Variants in ZNF541 observed in about 807,000 individuals in gnomAD.
ZNF541 encodes the protein zinc finger protein 541.
ZNF541 carries 23 observed loss-of-function variants against 123.5 expected under a neutral mutation model. The ratio of observed to expected loss-of-function variants is 0.19; its 90% CI spans 0.13 to 0.26. The LOEUF (loss-of-function observed/expected upper bound fraction) is 0.26, where lower values mean the gene tolerates loss of function less well. Among genes scored for constraint, ZNF541 ranks in the 10% least tolerant of loss-of-function variants. ZNF541 has a pLI of 1.00. For missense variants in ZNF541, 1,612 were observed against 1,789.9 expected (o/e 0.90, Z 1.79); for synonymous variants, 751 against 754.5 (o/e 1.00, Z 0.08).
At position 47,521,601 on chromosome 19, in the gene ZNF541, C is replaced by G; in HGVS notation, c.3765G>C (p.Lys1255Asn). Residue 1255 changes from lysine (K) to asparagine (N), a missense_variant, in exon 16 of 17, where the codon AAG becomes AAC. Around this residue, in one of 5 missense-constraint regions of ZNF541, gnomAD observed 285 missense variants for 407.3 expected, o/e 0.70. Coordinates refer to ENST00000391901, the MANE Select transcript of ZNF541 (RefSeq NM_001277075.3). This position sits in a 1 kb window ranked among gnomAD's most constrained non-coding sequence, Gnocchi z 4.2. ...RPSHHPTPKL[K>N]TKSYRRESIL... ...TGGACTCCCTCCTATAACTCTTGGT[C>G]TTTAACTTGGGAGTTGGATGGTGGC... 1.9e-6 allele frequency: 3 copies of G among 1,551,716 alleles called. No homozygotes were observed. The South Asian group carries it at 3.6e-5, about 18-fold the overall frequency.
intron 3 of ZNF541, among the ~76,000 whole-genome samples, chr19:47,554,834 C>A (rs1366830547): frequency 6.6e-6 from 1 of 152,200 alleles, no homozygotes; most frequent in African/African-American, 2.4e-5. Context: ...TGGCTCACGC[C>A]TGCAATCCCA....
chr19:47,523,984 G>C lies in ZNF541; in HGVS notation c.3571-1990C>G, dbSNP rs138166598. 2.0e-5 allele frequency among the ~76,000 whole-genome samples: 3 copies of C among 152,334 alleles called. 1 individual carries two copies. The highest frequency in any genetic ancestry group is 7.2e-5 in the African/African-American group (3 of 41,582). ...CCATCCAAAAGGATGAGAGGGGAAA[G>C]TGTGTGCTGCTCCTACAGGGCCAGG... On this transcript the variant is annotated intron_variant, in intron 14 of 16. Transcript: ENST00000391901.
intron 14 of ZNF541, among the ~76,000 whole-genome samples, chr19:47,523,576 C>A (rs1361819880): frequency 6.6e-6 from 1 of 152,064 alleles, no homozygotes; most frequent in Non-Finnish European, 1.5e-5. Context: ...AGCAACAGAA[C>A]CAGATTTACC....
At chr19:47,535,376 T>C (rs114410702) in intron 9 of ZNF541, among the ~76,000 whole-genome samples, 1 of 152,210 alleles carries the variant, frequency 6.6e-6, no homozygotes, top group Non-Finnish European at 1.5e-5. Flanking sequence ...TCATGAAAAT[T>C]AGAAATGTTT....
chr19:47,561,886 C>T (rs371680317), intron 2 of ZNF541, among the ~76,000 whole-genome samples: 1 of 152,160 alleles, frequency 6.6e-6, no homozygotes, highest in African/African-American at 2.4e-5. Flanking sequence ...GCAGAAACAA[C>T]CAAGCCTGAG....
At chr19:47,539,981 C>T in intron 7 of ZNF541, 103 bp from the exon 8 acceptor site, 1 of 1,482,234 alleles carries the variant, frequency 6.7e-7, no homozygotes, top group African/African-American at 1.4e-5. Flanking sequence ...AGCAGTGAGT[C>T]TGTGGCATGG....
intron 2 of ZNF541, among the ~76,000 whole-genome samples, chr19:47,556,827 G>A (rs553415752): frequency 2.0e-5 from 3 of 148,378 alleles, no homozygotes; most frequent in South Asian, 2.1e-4. Context: ...GCGGGATCTC[G>A]GCTCACTGCA....
In ZNF541 at chr19:47,540,283, C is replaced by A. The variant is rs901218875; in HGVS notation, c.2515G>T (p.Val839Phe). ...AACATCTGGCTGCAGTTCTTGCAGA[C>A]AAAAGTGCTCCTGGGCTTCGTCCAG... ...TDWTKPRSTF[V>F]CKNCSQMFYT... The change falls in exon 7 of 17, where the codon GTC becomes TTC. Residue 839 changes from valine to phenylalanine, a missense_variant. Val to Phe is a conservative substitution (Grantham distance 50, BLOSUM62 -1). Around this residue, in one of 5 missense-constraint regions of ZNF541, gnomAD observed 1,080 missense variants for 1,013.8 expected, o/e 1.07. Coordinates refer to ENST00000391901, the MANE Select transcript of ZNF541 (RefSeq NM_001277075.3). 4 of 1,551,886 alleles carry A rather than the reference C, an allele frequency of 2.6e-6. No homozygotes were observed. Among genetic ancestry groups the A allele is most frequent in the Admixed American group, 3.9e-5 (2 of 50,962 alleles).
rs2123154724 is a variant in ZNF541, at chr19:47,545,554, C to T, written c.975G>A (p.Ala325=). Residue 325 remains alanine, a synonymous_variant, in exon 5 of 17, where the codon GCG becomes GCA. Coordinates refer to ENST00000391901, the MANE Select transcript of ZNF541 (RefSeq NM_001277075.3). This position sits in a 1 kb window ranked among gnomAD's most constrained non-coding sequence, Gnocchi z 7.5. ...SSSCTPAGPH[A]APAALDTELP... is the part of the protein sequence containing the mutation. ...GCTCGGTGTCCAGCGCTGCTGGGGCCGCGTGGGGGCCGGCTGGGGTGCAGG... is the reference window on the plus strand; with the variant it reads ...GCTCGGTGTCCAGCGCTGCTGGGGCTGCGTGGGGGCCGGCTGGGGTGCAGG... 1 of 1,536,788 alleles carries T rather than the reference C, an allele frequency of 6.5e-7. No individual in the cohort carries two copies. The highest frequency in any genetic ancestry group is 8.8e-7 in the Non-Finnish European group (1 of 1,138,428).
intron 3 of ZNF541, 52 bp downstream of exon 3, chr19:47,555,498 C>G: frequency 6.8e-7 from 1 of 1,470,564 alleles, no homozygotes; most frequent in Non-Finnish European, 9.0e-7. Context: ...TAGCTGGCCA[C>G]AGAAACTGTC....
intron 3 of ZNF541, 88 bp from the exon 4 acceptor site, chr19:47,549,573 A>G: frequency 6.6e-7 from 1 of 1,510,814 alleles, no homozygotes; most frequent in Non-Finnish European, 8.9e-7. Context: ...TCTTAGAACC[A>G]TGGTGGCCTT....
At chr19:47,558,814 C>G (rs1046101445) in intron 2 of ZNF541, among the ~76,000 whole-genome samples, 6 of 151,154 alleles carry the variant, frequency 4.0e-5, no homozygotes, top group African/African-American at 1.5e-4. Context: ...GCGCCATCTC[C>G]GCTCACTGCA....
Position 47,521,152 on chromosome 19 carries a change from C to A in ZNF541, c.*72G>T. 1 of 1,499,958 alleles carries A rather than the reference C, an allele frequency of 6.7e-7. No homozygotes were observed. Among genetic ancestry groups the A allele is most frequent in the South Asian group, 1.3e-5 (1 of 78,002 alleles). 92.9% of individuals were successfully genotyped at this position (1,499,958 alleles called of 1,614,324 possible). ...GGTGGGGGGAGGCAGAGGGGTGCCC[C>A]AAACGCCCTGGAGAGGCCGAAGGGA... On this transcript the variant is annotated 3_prime_UTR_variant, in exon 17 of 17. Coordinates refer to ENST00000391901, the MANE Select transcript of ZNF541 (RefSeq NM_001277075.3). The surrounding 1 kb of genome is among the most constrained non-coding windows in gnomAD (Gnocchi z 4.2).
chr19:47,537,473 A>T (rs1355703224), intron 9 of ZNF541, among the ~76,000 whole-genome samples: 1 of 150,576 alleles, frequency 6.6e-6, no homozygotes, highest in Admixed American at 6.6e-5. Flanking sequence ...CTGAGGCAGG[A>T]GAACTGCTTG....
chr19:47,531,968 C>G (rs1197742700), intron 11 of ZNF541, among the ~76,000 whole-genome samples, 160 bp downstream of exon 11: 2 of 152,162 alleles, frequency 1.3e-5, no homozygotes, highest in Admixed American at 1.3e-4. Context: ...GAGAGTGCAG[C>G]AGGGAAGAAG....
chr19:47,568,264 A>C (rs1045578482), intron 2 of ZNF541, among the ~76,000 whole-genome samples: 4 of 152,092 alleles, frequency 2.6e-5, no homozygotes, highest in African/African-American at 9.7e-5. Context: ...AAGGGTCATC[A>C]AGTCTGAGTA....
chr19:47,553,408 C>CTTT (rs1291200798), intron 3 of ZNF541, among the ~76,000 whole-genome samples: 4 of 116,892 alleles, frequency 3.4e-5, no homozygotes, highest in Non-Finnish European at 3.6e-5. Context: ...CAGGCTAATT[C>CTTT]TTTTTTTTTT....
chr19:47,538,575 C>G, intron 8 of ZNF541, 136 bp from the exon 9 acceptor site: 6 of 900,204 alleles, frequency 6.7e-6, no homozygotes, highest in Non-Finnish European at 9.7e-6. Flanking sequence ...GCAAAGGAGG[C>G]TGGCCACACC....
chr19:47,544,980 C>T lies in ZNF541; in HGVS notation c.1549G>A (p.Gly517Arg), dbSNP rs780072882. The T allele has an allele frequency of 4.1e-5, 62 of 1,530,816 alleles. No homozygotes were observed. The East Asian group carries it at 9.3e-4, about 23-fold the overall frequency. 94.8% of individuals were successfully genotyped at this position (1,530,816 alleles called of 1,614,324 possible). Residue 517 changes from glycine (G) to arginine (R), a missense_variant, in exon 5 of 17, where the codon GGG becomes AGG. Physicochemically the swap from Gly to Arg is moderately radical, Grantham distance 125 (BLOSUM62 -2). Transcript: ENST00000391901. Reference protein sequence around the residue: ...DCDSFLCQNPGEPGLQEAQKA... With the variant: ...DCDSFLCQNPREPGLQEAQKA... ...TGGGCCTCCTGGAGGCCGGGCTCCC[C>T]GGGGTTCTGGCACAGGAAGGAGTCG... is the stretch of plus-strand genomic sequence containing the variant.
Sources: gnomAD v4.1 joint callset for allele counts (sites outside exome capture counted in the v4.1 genomes callset) on GRCh38, gnomAD v4.1.1 for gene constraint, gnomAD v4.1.1 regional missense constraint, Gnocchi (gnomAD v3.1) non-coding constraint, MANE v1.5 for transcripts, NCBI Gene and HGNC (gene_info 2026-07-23, HGNC 2026-07-21) for gene names.